Variants in PARVB observed in about 807,000 individuals in gnomAD.
PARVB encodes the protein beta-parvin.
In PARVB, 46 loss-of-function variants were observed where a neutral mutation model predicts 47.0. The ratio of observed to expected loss-of-function variants is 0.98; its 90% CI spans 0.77 to 1.25. The LOEUF (loss-of-function observed/expected upper bound fraction) is 1.25, where lower values mean the gene tolerates loss of function less well. Ranked by LOEUF, PARVB falls within the 50% of genes most tolerant of loss-of-function variation. The pLI, the probability that PARVB is intolerant of heterozygous loss-of-function variation, is 0.00. For synonymous variants in PARVB, 196 were observed against 196.3 expected (o/e 1.00, Z 0.01); for missense variants, 473 against 471.6 (o/e 1.00, Z -0.03).
intron 1 of PARVB, among the ~76,000 whole-genome samples, chr22:44,065,589 C>T (rs998933604): frequency 1.8e-4 from 28 of 152,184 alleles, no homozygotes; most frequent in African/African-American, 6.8e-4. Flanking sequence ...GCAGTGTACA[C>T]TGCACCCAAT....
intron 9 of PARVB, 92 bp downstream of exon 9, chr22:44,148,014 G>A: frequency 4.1e-6 from 4 of 967,962 alleles, no homozygotes; most frequent in Non-Finnish European, 6.6e-6. Flanking sequence ...GTGGGAAAAT[G>A]TTTGGAATCT....
At position 44,068,634 on chromosome 22, in the gene PARVB, G is replaced by A. The variant is rs1040589864; in HGVS notation, c.113-25294G>A. ...GGTCCTCCTGACGTAGTCGGCACACGGGAGATGCAGCTGGGGTGGCACGTG... is the reference window on the plus strand; with the variant it reads ...GGTCCTCCTGACGTAGTCGGCACACAGGAGATGCAGCTGGGGTGGCACGTG... On this transcript the variant is annotated intron_variant, in intron 1 of 12. Transcript: ENST00000338758. This position sits in a 1 kb window ranked among gnomAD's most constrained non-coding sequence, Gnocchi z 4.1. Among the ~76,000 whole-genome samples, 3 of 152,218 alleles carry A rather than the reference G, an allele frequency of 2.0e-5. No homozygotes were observed. Among genetic ancestry groups the A allele is most frequent in the East Asian group, 1.9e-4 (1 of 5,194 alleles).
intron 1 of PARVB, among the ~76,000 whole-genome samples, chr22:44,075,438 G>T (rs1569094107): frequency 6.6e-6 from 1 of 152,190 alleles, no homozygotes; most frequent in Non-Finnish European, 1.5e-5. Context: ...AGACCAGAGG[G>T]TGCATCTGTG....
chr22:44,064,414 C>T (rs971364748), intron 1 of PARVB, among the ~76,000 whole-genome samples: 3 of 152,110 alleles, frequency 2.0e-5, no homozygotes, highest in Non-Finnish European at 4.4e-5. Context: ...GTTGAAGGGC[C>T]TGGCCGAGTT....
chr22:44,018,769 T>C (rs2050612375), intron 2 of PARVB, among the ~76,000 whole-genome samples: 1 of 152,156 alleles, frequency 6.6e-6, no homozygotes. Flanking sequence ...TGGAGGGCAG[T>C]CCTTTCCATC....
chr22:44,016,351 C>T (rs1207743238), intron 2 of PARVB, among the ~76,000 whole-genome samples: 1 of 152,268 alleles, frequency 6.6e-6, no homozygotes, highest in Non-Finnish European at 1.5e-5. Context: ...CCGCCTCAGC[C>T]TCCCAAAGTG....
chr22:44,028,749 C>T (rs943719430), intron 1 of PARVB, among the ~76,000 whole-genome samples: 18 of 152,344 alleles, frequency 1.2e-4, no homozygotes, highest in Admixed American at 7.8e-4. Context: ...CATTTATTCA[C>T]CGGTGGCGAA....
intron 1 of PARVB, among the ~76,000 whole-genome samples, chr22:44,065,980 T>C (rs2051515489): frequency 6.6e-6 from 1 of 152,134 alleles, no homozygotes; most frequent in Admixed American, 6.6e-5. Context: ...GTGTGTGAAG[T>C]ATGTTTTTTG....
intron 10 of PARVB, 47 bp downstream of exon 10, chr22:44,151,598 C>T (rs766481048): frequency 2.1e-6 from 3 of 1,459,166 alleles, no homozygotes; most frequent in Non-Finnish European, 2.9e-6. Context: ...CCGCCATTTT[C>T]AGTCAGTGTT....
chr22:44,161,308 C>CTTTTTTT (rs769442547), intron 11 of PARVB, among the ~76,000 whole-genome samples: 5 of 128,712 alleles, frequency 3.9e-5, no homozygotes, highest in Non-Finnish European at 4.8e-5. Context: ...TTTTTCTTTT[C>CTTTTTTT]TTTTTTTTTT....
At chr22:44,079,366 T>C (rs967323499) in intron 1 of PARVB, among the ~76,000 whole-genome samples, 5 of 152,150 alleles carry the variant, frequency 3.3e-5, no homozygotes, top group Non-Finnish European at 5.9e-5. Context: ...AGTAGCAGGA[T>C]CGAGAAGCCA....
intron 3 of PARVB, chr22:44,110,518 C>T (rs1448225384): frequency 2.6e-5 from 4 of 152,176 alleles, no homozygotes; most frequent in Non-Finnish European, 5.9e-5. Context: ...AGTGTGGGTC[C>T]TCCAGTTTTG....
chr22:44,059,127 C>A (rs902393768), intron 1 of PARVB, among the ~76,000 whole-genome samples: 1 of 146,778 alleles, frequency 6.8e-6, no homozygotes, highest in African/African-American at 2.5e-5. Flanking sequence ...GTCACTACAA[C>A]CTCTGCTTCT....
At chr22:44,099,975 G>T in intron 2 of PARVB, 78 bp from the exon 3 acceptor site, 1 of 1,126,832 alleles carries the variant, frequency 8.9e-7, no homozygotes, top group South Asian at 1.2e-5. Context: ...TGTCAGAGAT[G>T]AGTTGGCCTC....
At chr22:44,009,486 C>G (rs1220929015) in intron 2 of PARVB, 1 of 152,042 alleles carries the variant, frequency 6.6e-6, no homozygotes, top group African/African-American at 2.4e-5. Context: ...GATACAAAGG[C>G]AGAGTTCAAA....
At chr22:44,127,524 A>G (rs2053213807) in intron 4 of PARVB, among the ~76,000 whole-genome samples, 1 of 152,214 alleles carries the variant, frequency 6.6e-6, no homozygotes, top group Admixed American at 6.5e-5. Context: ...GCTGAATACC[A>G]AGGTCAAAGC....
At chr22:44,166,937 C>G (rs1443263732) in intron 12 of PARVB, among the ~76,000 whole-genome samples, 2 of 152,226 alleles carry the variant, frequency 1.3e-5, no homozygotes, top group Non-Finnish European at 2.9e-5. Context: ...GCTAGGCAGA[C>G]TTACCCGGGT....
At chr22:44,142,443 G>T (rs1441451659) in intron 8 of PARVB, 1 of 133,654 alleles carries the variant, frequency 7.5e-6, no homozygotes, top group African/African-American at 2.7e-5. Flanking sequence ...AAGCATTTTT[G>T]AGTCTTTTTG....
rs1351074319 is a variant in PARVB at position 44,125,285 on chromosome 22, AC to A, written c.376+6146del. Reference sequence around the variant, plus strand: ...TCGGGTGGCTCTTGGCTGTAGAGACACAGTGGGAAACAAGAGAGATGAGCCC... The same window carrying A: ...TCGGGTGGCTCTTGGCTGTAGAGACAAGTGGGAAACAAGAGAGATGAGCCC... On this transcript the variant is annotated intron_variant, in intron 4 of 12. Coordinates refer to ENST00000338758, the MANE Select transcript of PARVB (RefSeq NM_013327.5). This position sits in a 1 kb window ranked among gnomAD's most constrained non-coding sequence, Gnocchi z 4.1. Among the ~76,000 whole-genome samples, 1 of 143,396 alleles carries A rather than the reference AC, an allele frequency of 7.0e-6. No individual in the cohort carries two copies. Among genetic ancestry groups the A allele is most frequent in the Non-Finnish European group, 1.6e-5 (1 of 63,418 alleles). 94.1% of individuals were successfully genotyped at this position (143,396 alleles called of 152,430 possible).
Sources: gnomAD v4.1 joint callset for allele counts (sites outside exome capture counted in the v4.1 genomes callset) on GRCh38, gnomAD v4.1.1 for gene constraint, Gnocchi (gnomAD v3.1) non-coding constraint, MANE v1.5 for transcripts, NCBI Gene and HGNC (gene_info 2026-07-23, HGNC 2026-07-21) for gene names.